The following CYB5A variants were observed in gnomAD, a reference collection of about 807,000 sequenced individuals.
CYB5A encodes cytochrome b5.
Under a neutral mutation model 16.2 loss-of-function variants are expected in CYB5A, and 10 were observed. The observed-to-expected ratio is 0.62, with a 90% confidence interval of 0.38 to 1.04. CYB5A has a LOEUF of 1.04. Ranked by LOEUF, CYB5A falls within the 50% of genes least tolerant of loss-of-function variation. The probability of loss-of-function intolerance (pLI) is 0.01; values close to 1 mark genes in which losing one functional copy is unlikely to be tolerated. For synonymous variants in CYB5A, 62 were observed against 57.0 expected (o/e 1.09, Z -0.40); for missense variants, 161 against 165.9 (o/e 0.97, Z 0.16).
rs1251120914 is a variant in CYB5A, at chr18:74,265,068, C to T, written c.130-1591G>A. Among the ~76,000 whole-genome samples the T allele has an allele frequency of 2.6e-5, 4 of 152,184 alleles. No homozygotes were observed. The East Asian group carries it at 5.8e-4, about 22-fold the overall frequency. Reference sequence around the variant, plus strand: ...CAAAAACCGGTCTCCCTTGCAGAGTCGACTGTGGTCAGTCCTTAATTTCTC... The same window carrying T: ...CAAAAACCGGTCTCCCTTGCAGAGTTGACTGTGGTCAGTCCTTAATTTCTC... On this transcript the variant is annotated intron_variant, in intron 1 of 4. Transcript: ENST00000340533.
At chr18:74,275,335 A>G (rs547022781) in intron 1 of CYB5A, among the ~76,000 whole-genome samples, 2 of 152,240 alleles carry the variant, frequency 1.3e-5, no homozygotes, top group African/African-American at 4.8e-5. Flanking sequence ...GGAATGGAAG[A>G]ATCTTCCAGA....
At chr18:74,282,605 G>T (rs1226212730) in intron 1 of CYB5A, among the ~76,000 whole-genome samples, 1 of 152,232 alleles carries the variant, frequency 6.6e-6, no homozygotes, top group Admixed American at 6.5e-5. Flanking sequence ...GCTAGCAGAG[G>T]CACAAAACGG....
chr18:74,281,743 CTG>C lies in CYB5A; in HGVS notation c.129+10002_129+10003del, dbSNP rs112934460. ...GAGGGGGCAGAAGAGTCAAGGGAGG[CTG>C]TGTGTGTGTGTGTGTGTGTGTGTAT... On this transcript the variant is annotated intron_variant, in intron 1 of 4. Coordinates refer to ENST00000340533, the MANE Select transcript of CYB5A (RefSeq NM_148923.4). Among the ~76,000 whole-genome samples the C allele has an allele frequency of 1.5e-3, 209 of 138,166 alleles. 1 individual carries two copies. The highest frequency in any genetic ancestry group is 1.7e-3 in the Non-Finnish European group (107 of 64,608). The allele number at this position is 138,166 out of a possible 152,430, so 90.6% of individuals were successfully genotyped here.
chr18:74,260,307 T>C (rs1282608534), intron 3 of CYB5A: 1 of 159,320 alleles, frequency 6.3e-6, no homozygotes. Flanking sequence ...TAGGCTGTGC[T>C]CTTCCATTCT....
At chr18:74,275,611 C>A (rs1006968223) in intron 1 of CYB5A, among the ~76,000 whole-genome samples, 1 of 152,148 alleles carries the variant, frequency 6.6e-6, no homozygotes, top group Non-Finnish European at 1.5e-5. Flanking sequence ...AGAAAAGTGA[C>A]CTGTGTAAAC....
chr18:74,267,012 T>C (rs961992897), intron 1 of CYB5A, among the ~76,000 whole-genome samples: 3 of 152,196 alleles, frequency 2.0e-5, no homozygotes, highest in African/African-American at 7.2e-5. Flanking sequence ...TTTTGTAATA[T>C]CTAATATTTT....
chr18:74,260,724 C>A, intron 3 of CYB5A, 191 bp downstream of exon 3: 1 of 662,596 alleles, frequency 1.5e-6, no homozygotes. Context: ...TACACACACG[C>A]CATCCTAACA....
At chr18:74,272,923 AAAAAC>A (rs564230577) in intron 1 of CYB5A, among the ~76,000 whole-genome samples, 1 of 152,218 alleles carries the variant, frequency 6.6e-6, no homozygotes, top group African/African-American at 2.4e-5. Context: ...ACTCCATTGC[AAAAAC>A]AAAACAAAAC....
chr18:74,263,536 A>T lies in CYB5A; in HGVS notation c.130-59T>A. 6 of 1,497,808 alleles carry T rather than the reference A, an allele frequency of 4.0e-6. No homozygotes were observed. The South Asian group carries it at 5.6e-5, about 14-fold the overall frequency. The allele number at this position is 1,497,808 out of a possible 1,614,324, so 92.8% of individuals were successfully genotyped here. On this transcript the variant is annotated intron_variant, in intron 1 of 4. Coordinates refer to ENST00000340533, the MANE Select transcript of CYB5A (RefSeq NM_148923.4). Reference sequence around the variant, plus strand: ...TTTCAGGCAAATGAATTAAGAGAAAACGGCCAGAATTTATTTAACCAAACA... The same window carrying T: ...TTTCAGGCAAATGAATTAAGAGAAATCGGCCAGAATTTATTTAACCAAACA...
chr18:74,260,841 A>C, intron 3 of CYB5A, 74 bp downstream of exon 3: 2 of 1,291,726 alleles, frequency 1.5e-6, no homozygotes, highest in South Asian at 2.4e-5. Flanking sequence ...GTAAATAAAA[A>C]CCCTCTGCCT....
intron 1 of CYB5A, among the ~76,000 whole-genome samples, chr18:74,265,741 C>T (rs74866423): frequency 0.028 from 4,266 of 152,270 alleles, 139 homozygotes; most frequent in East Asian, 0.18. Context: ...GTGGAAGGCC[C>T]GGGGGAGCCC....
intron 1 of CYB5A, among the ~76,000 whole-genome samples, chr18:74,279,218 A>T (rs1033984236): frequency 1.3e-5 from 2 of 152,236 alleles, no homozygotes; most frequent in Admixed American, 1.3e-4. Context: ...GATCTATCTT[A>T]AGCTGGAATG....
Position 74,271,863 on chromosome 18 carries a change from A to G in CYB5A, c.130-8386T>C, listed in dbSNP as rs1160548932. ...CAAGGAGAGGCCAACATAAAAGCTG[A>G]AGATGGCCAAGGACCAAATGAGTCT... On this transcript the variant is annotated intron_variant, in intron 1 of 4. Transcript: ENST00000340533. Among the ~76,000 whole-genome samples, 4 of 152,336 alleles carry G rather than the reference A, an allele frequency of 2.6e-5. No individual in the cohort carries two copies. The East Asian group carries it at 7.7e-4, about 29-fold the overall frequency.
At chr18:74,281,504 C>T (rs1488715348) in intron 1 of CYB5A, among the ~76,000 whole-genome samples, 2 of 152,046 alleles carry the variant, frequency 1.3e-5, no homozygotes, top group Non-Finnish European at 2.9e-5. Context: ...AGGATGGCAA[C>T]CCAGGAGGGT....
At position 74,280,176 on chromosome 18, in the gene CYB5A, G is replaced by T. The variant is rs546431263; in HGVS notation, c.129+11571C>A. Among the ~76,000 whole-genome samples the T allele has an allele frequency of 2.0e-5, 3 of 152,250 alleles. No individual in the cohort carries two copies. The South Asian group carries it at 6.2e-4, about 32-fold the overall frequency. On this transcript the variant is annotated intron_variant, in intron 1 of 4. Transcript: ENST00000340533. ...TGAGGCAGGGAACCATATGTTATTT[G>T]GGGGGAATAACCTTCCAGTGCAAAG...
chr18:74,260,723 G>T, intron 3 of CYB5A, 192 bp downstream of exon 3: 1 of 656,750 alleles, frequency 1.5e-6, no homozygotes, highest in South Asian at 1.5e-5. Flanking sequence ...TTACACACAC[G>T]CCATCCTAAC....
At chr18:74,275,818 T>C (rs1224981138) in intron 1 of CYB5A, among the ~76,000 whole-genome samples, 1 of 152,032 alleles carries the variant, frequency 6.6e-6, no homozygotes, top group African/African-American at 2.4e-5. Context: ...AGGATGTGGA[T>C]CAATAGAGCA....
At chr18:74,279,967 C>T (rs776551650) in intron 1 of CYB5A, among the ~76,000 whole-genome samples, 1 of 152,126 alleles carries the variant, frequency 6.6e-6, no homozygotes, top group Non-Finnish European at 1.5e-5. Context: ...TGGAAGGACA[C>T]AGAGAAGCAA....
intron 3 of CYB5A, chr18:74,260,116 A>C (rs1982140738): frequency 6.6e-6 from 1 of 152,270 alleles, no homozygotes; most frequent in South Asian, 2.1e-4. Context: ...TCAGCTCACC[A>C]GTTCTCGACA....
Sources: gnomAD v4.1 joint callset for allele counts (sites outside exome capture counted in the v4.1 genomes callset) on GRCh38, gnomAD v4.1.1 for gene constraint, MANE v1.5 for transcripts, NCBI Gene and HGNC (gene_info 2026-07-23, HGNC 2026-07-21) for gene names.